The following CADPS variants were observed in gnomAD, a reference collection of about 807,000 sequenced individuals.
CADPS encodes the protein calcium dependent secretion activator.
CADPS carries 57 observed loss-of-function variants against 167.3 expected under a neutral mutation model. The ratio of observed to expected loss-of-function variants is 0.34; its 90% CI spans 0.28 to 0.42. The LOEUF (loss-of-function observed/expected upper bound fraction) is 0.42, where lower values mean the gene tolerates loss of function less well. Among genes scored for constraint, CADPS ranks in the 20% least tolerant of loss-of-function variants. CADPS has a pLI of 1.00. For missense variants in CADPS, 1,414 were observed against 1,738.1 expected, an observed-to-expected ratio of 0.81 and a Z score of 3.32; for synonymous variants, 676 against 635.3, an observed-to-expected ratio of 1.06 and a Z score of -0.96.
At chr3:62,819,407 CGTGTGTGTGTGTGTGTGTGTGT>C (rs3047244) in intron 1 of CADPS, among the ~76,000 whole-genome samples, 4 of 144,074 alleles carry the variant, frequency 2.8e-5, no homozygotes, top group South Asian at 4.5e-4. Flanking sequence ...AATCTGTGTG[CGTGTGTGTGTGTGTGTGTGTGT>C]GTGTGTGTGT....
At chr3:62,600,331 G>C (rs1382980701) in intron 6 of CADPS, among the ~76,000 whole-genome samples, 1 of 152,046 alleles carries the variant, frequency 6.6e-6, no homozygotes, top group Non-Finnish European at 1.5e-5. Flanking sequence ...GTGATGGAAA[G>C]TGCCACCAAG....
At position 62,544,557 on chromosome 3, in the gene CADPS, T is replaced by C. The variant is rs1011837297; in HGVS notation, c.1966+5346A>G. 8.5e-5 allele frequency among the ~76,000 whole-genome samples: 13 copies of C among 152,140 alleles called. No individual in the cohort carries two copies. Among genetic ancestry groups the C allele is most frequent in the Non-Finnish European group, 1.8e-4 (12 of 68,022 alleles). Reference sequence around the variant, plus strand: ...ATTTGCCATTTTGTTGTGATGTTAATTAATATTCTTGGAATGAAAAAAAAT... The same window carrying C: ...ATTTGCCATTTTGTTGTGATGTTAACTAATATTCTTGGAATGAAAAAAAAT... On this transcript the variant is annotated intron_variant, in intron 11 of 29. Transcript: ENST00000383710. The surrounding 1 kb of genome is among the most constrained non-coding windows in gnomAD (Gnocchi z 4.4).
intron 28 of CADPS, chr3:62,404,551 G>A (rs1575577800): frequency 1.3e-5 from 2 of 152,120 alleles, no homozygotes; most frequent in South Asian, 2.1e-4. Context: ...CAGCCATGGC[G>A]TACAGAAGCC....
At chr3:62,635,672 C>T (rs2066158843) in intron 6 of CADPS, among the ~76,000 whole-genome samples, 1 of 148,404 alleles carries the variant, frequency 6.7e-6, no homozygotes, top group African/African-American at 2.5e-5. Flanking sequence ...TTCCCCTCCC[C>T]AGATATTTTG....
intron 13 of CADPS, among the ~76,000 whole-genome samples, chr3:62,519,380 C>T (rs2069841264): frequency 6.6e-6 from 1 of 152,194 alleles, no homozygotes; most frequent in Non-Finnish European, 1.5e-5. Context: ...TGGCAAATGA[C>T]AGCAATGTAC....
intron 5 of CADPS, among the ~76,000 whole-genome samples, chr3:62,647,650 C>T (rs958208256): frequency 3.3e-5 from 5 of 152,056 alleles, no homozygotes; most frequent in Admixed American, 6.6e-5. Context: ...TGAGACGATG[C>T]ACATAAGTGA....
chr3:62,776,801 T>C (rs1348392308), intron 1 of CADPS, among the ~76,000 whole-genome samples: 1 of 152,086 alleles, frequency 6.6e-6, no homozygotes, highest in Non-Finnish European at 1.5e-5. Context: ...GAATCTCAGT[T>C]TGCAGAGGCA....
chr3:62,577,665 C>T (rs1019114107), intron 8 of CADPS, among the ~76,000 whole-genome samples: 3 of 152,204 alleles, frequency 2.0e-5, no homozygotes, highest in Non-Finnish European at 4.4e-5. Context: ...TGTATGAGAC[C>T]TTGTTCTAAA....
chr3:62,860,864 GGAGT>G (rs2080662349), intron 1 of CADPS, among the ~76,000 whole-genome samples: 1 of 152,164 alleles, frequency 6.6e-6, no homozygotes, highest in South Asian at 2.1e-4. Flanking sequence ...CACTTGGGGA[GGAGT>G]GAGAAAGGGC....
chr3:62,481,191 C>T (rs564896716), intron 22 of CADPS, among the ~76,000 whole-genome samples: 1 of 152,296 alleles, frequency 6.6e-6, no homozygotes, highest in African/African-American at 2.4e-5. Context: ...AGGCTTGATC[C>T]ATTCAGAAAT....
At chr3:62,852,027 A>T (rs975396861) in intron 1 of CADPS, among the ~76,000 whole-genome samples, 1 of 145,632 alleles carries the variant, frequency 6.9e-6, no homozygotes, top group African/African-American at 2.6e-5. Context: ...CATTCATTTC[A>T]TCTTCCATTG....
At chr3:62,808,371 A>AAG (rs997025519) in intron 1 of CADPS, among the ~76,000 whole-genome samples, 1 of 152,070 alleles carries the variant, frequency 6.6e-6, no homozygotes, top group Non-Finnish European at 1.5e-5. Flanking sequence ...AAAGTGGACA[A>AAG]AGAGAGAGAG....
At chr3:62,590,412 C>T (rs2085684231) in intron 7 of CADPS, among the ~76,000 whole-genome samples, 2 of 152,194 alleles carry the variant, frequency 1.3e-5, no homozygotes, top group African/African-American at 4.8e-5. Context: ...ATGTGTGTCT[C>T]TCTTTCCCTA....
At chr3:62,679,674 C>T (rs1196509130) in intron 3 of CADPS, among the ~76,000 whole-genome samples, 3 of 152,006 alleles carry the variant, frequency 2.0e-5, no homozygotes, top group Non-Finnish European at 2.9e-5. Context: ...TGCCTTTCCC[C>T]GTCAGCACTG....
rs987296442 is a variant in CADPS, at chr3:62,474,011, G to C, written c.3477+162C>G. 7.5e-6 allele frequency: 4 copies of C among 530,776 alleles called. No individual in the cohort carries two copies. The African/African-American group carries it at 7.9e-5, about 11-fold the overall frequency. The allele number at this position is 530,776 out of a possible 1,614,324, so 32.9% of individuals were successfully genotyped here. A position where few individuals can be genotyped will look rare whatever the true frequency, so the allele number is the denominator to read the frequency against. On this transcript the variant is annotated intron_variant, in intron 24 of 29. Transcript: ENST00000383710. ...CAGCACATGCCTTAGAAATCTACTT[G>C]ACAAACAGATACTGAACACTCATCC...
At chr3:62,734,556 A>AAT (rs1404356344) in intron 3 of CADPS, among the ~76,000 whole-genome samples, 7 of 152,268 alleles carry the variant, frequency 4.6e-5, no homozygotes, top group African/African-American at 1.7e-4. Context: ...GAAATAATAG[A>AAT]ATACATACTC....
chr3:62,434,641 T>C (rs2054619102), intron 28 of CADPS, among the ~76,000 whole-genome samples: 1 of 152,202 alleles, frequency 6.6e-6, no homozygotes, highest in South Asian at 2.1e-4. Flanking sequence ...CCAAATGCTA[T>C]GCCGATAATC....
chr3:62,508,653 C>T (rs766851717), intron 17 of CADPS, among the ~76,000 whole-genome samples: 1 of 152,048 alleles, frequency 6.6e-6, no homozygotes, highest in African/African-American at 2.4e-5. Flanking sequence ...TAATTGATGG[C>T]CCTTTAGATT....
chr3:62,670,507 A>G (rs1006005429), intron 3 of CADPS, among the ~76,000 whole-genome samples: 8 of 152,088 alleles, frequency 5.3e-5, no homozygotes, highest in Non-Finnish European at 8.8e-5. Flanking sequence ...ATTCTGAATG[A>G]TGTACTTCTT....
Sources: allele counts gnomAD v4.1 joint callset (sites outside exome capture counted in the v4.1 genomes callset), GRCh38; gene constraint gnomAD v4.1.1; non-coding constraint Gnocchi (gnomAD v3.1); transcripts MANE v1.5; gene names NCBI Gene and HGNC (gene_info 2026-07-23, HGNC 2026-07-21).